The following PLVAP variants were observed in gnomAD, a reference collection of about 807,000 sequenced individuals.
PLVAP encodes plasmalemma vesicle-associated protein.
PLVAP carries 34 observed loss-of-function variants against 43.1 expected under a neutral mutation model. That is an observed-to-expected ratio of 0.79 (90% confidence interval 0.60 to 1.05). The LOEUF (loss-of-function observed/expected upper bound fraction) is 1.05, where lower values mean the gene tolerates loss of function less well. PLVAP is among the 50% of genes least tolerant of loss of function. The pLI is 0.00. For synonymous variants in PLVAP, 241 were observed against 237.3 expected, an observed-to-expected ratio of 1.02 and a Z score of -0.14; for missense variants, 574 against 593.4, an observed-to-expected ratio of 0.97 and a Z score of 0.34.
chr19:17,358,574 T>C (rs1290895751), intron 5 of PLVAP, among the ~76,000 whole-genome samples: 1 of 151,994 alleles, frequency 6.6e-6, no homozygotes, highest in Non-Finnish European at 1.5e-5. Flanking sequence ...GCACAGGCTA[T>C]TCTTGGGGCG....
chr19:17,367,471 C>A (rs1461741011), intron 1 of PLVAP, among the ~76,000 whole-genome samples: 1 of 152,088 alleles, frequency 6.6e-6, no homozygotes, highest in Non-Finnish European at 1.5e-5. Flanking sequence ...TCACTGCAAC[C>A]TCCGCCTCCC....
chr19:17,361,026 T>C, intron 3 of PLVAP, 194 bp from the exon 4 acceptor site: 1 of 561,248 alleles, frequency 1.8e-6, no homozygotes, highest in African/African-American at 1.9e-5. Context: ...GCGATTCTCC[T>C]GCCTAAGCCT....
intron 1 of PLVAP, among the ~76,000 whole-genome samples, chr19:17,370,789 G>C (rs2074569094): frequency 6.6e-6 from 1 of 152,152 alleles, no homozygotes; most frequent in African/African-American, 2.4e-5. Context: ...GGGCGCGGTG[G>C]CTCACGCCTG....
chr19:17,366,326 G>A lies in PLVAP; in HGVS notation c.370-131C>T, dbSNP rs2074550095. On this transcript the variant is annotated intron_variant, in intron 1 of 5. Coordinates refer to ENST00000252590, the MANE Select transcript of PLVAP (RefSeq NM_031310.3). ...ACAAGGGCATGGTCCCTTTATGAGG[G>A]AATGTTAGAAGCCAGGTGTGGCAGC... The A allele has an allele frequency of 1.4e-5, 11 of 767,668 alleles. No homozygotes were observed. The South Asian group carries it at 1.9e-4, about 13-fold the overall frequency. The allele number at this position is 767,668 out of a possible 1,614,324, so 47.6% of individuals were successfully genotyped here.
At chr19:17,374,065 G>C (rs1244880967) in intron 1 of PLVAP, among the ~76,000 whole-genome samples, 1 of 152,200 alleles carries the variant, frequency 6.6e-6, no homozygotes, top group Non-Finnish European at 1.5e-5. Context: ...GGGAGGCTGA[G>C]GCAACAGAAT....
chr19:17,351,601 C>A lies in PLVAP; in HGVS notation c.*761G>T, dbSNP rs1311064576. ...GGGCCCCGAGGGGGTCCTGGAAACA[C>A]TCACGCTCAAGGAGCGGAGGTGAAT... On this transcript the variant is annotated 3_prime_UTR_variant, in exon 6 of 6. Transcript: ENST00000252590. The A allele has an allele frequency of 1.3e-5, 2 of 152,280 alleles. No individual in the cohort carries two copies. Among genetic ancestry groups the A allele is most frequent in the Non-Finnish European group, 2.9e-5 (2 of 68,076 alleles). The allele number at this position is 152,280 out of a possible 1,614,324, so 9.4% of individuals were successfully genotyped here.
intron 1 of PLVAP, among the ~76,000 whole-genome samples, chr19:17,370,001 TAAAAA>T (rs763532839): frequency 3.2e-4 from 28 of 88,762 alleles, no homozygotes; most frequent in East Asian, 1.4e-3. Flanking sequence ...AGAGTCTGTC[TAAAAA>T]AAAAAAAAAA....
intron 5 of PLVAP, among the ~76,000 whole-genome samples, chr19:17,354,804 A>G (rs1014289943): frequency 6.6e-6 from 1 of 151,618 alleles, no homozygotes; most frequent in African/African-American, 2.4e-5. Flanking sequence ...AGGCTGAGGC[A>G]GGAGAATGGC....
At chr19:17,368,821 C>CA (rs929015199) in intron 1 of PLVAP, among the ~76,000 whole-genome samples, 3 of 151,954 alleles carry the variant, frequency 2.0e-5, no homozygotes, top group African/African-American at 7.2e-5. Flanking sequence ...ACTAAAAATA[C>CA]AAAAAAATTA....
chr19:17,374,184 C>T lies in PLVAP; in HGVS notation c.369+2736G>A, dbSNP rs114277058. Among the ~76,000 whole-genome samples the T allele has an allele frequency of 5.5e-3, 834 of 151,484 alleles. 9 individuals are homozygous for T. The highest frequency in any genetic ancestry group is 0.019 in the African/African-American group (773 of 41,292). ...TCAAACAAAACAAAATAAAACAAAA[C>T]AGCCGGGAACGGTGGCTCACGCCTG... On this transcript the variant is annotated intron_variant, in intron 1 of 5. Transcript: ENST00000252590.
Position 17,377,063 on chromosome 19 carries a change from C to G in PLVAP, c.226G>C (p.Gly76Arg), listed in dbSNP as rs2074598526. 2 of 1,614,128 alleles carry G rather than the reference C, an allele frequency of 1.2e-6. No homozygotes were observed. Among genetic ancestry groups the G allele is most frequent in the Non-Finnish European group, 1.7e-6 (2 of 1,180,022 alleles). Residue 76 changes from glycine to arginine, a missense_variant, in exon 1 of 6, where the codon GGG (glycine) becomes CGG (arginine). Physicochemically the swap from Gly to Arg is moderately radical, Grantham distance 125. Transcript: ENST00000252590. ...RAEGLYSQLL[G>R]LTASQSNLTK... ...AAGTTGGACTGGGAGGCCGTGAGCC[C>G]TAGGAGCTGACTGTATAGGCCCTCG...
chr19:17,370,151 G>A (rs1568376614), intron 1 of PLVAP, among the ~76,000 whole-genome samples: 1 of 152,098 alleles, frequency 6.6e-6, no homozygotes, highest in Non-Finnish European at 1.5e-5. Context: ...ACAGTAACAG[G>A]TGTTGATGAG....
Position 17,365,868 on chromosome 19 carries a change from T to C in PLVAP, c.597A>G (p.Glu199=). The C allele has an allele frequency of 6.2e-7, 1 of 1,614,092 alleles. No individual in the cohort carries two copies. Residue 199 remains glutamate, a synonymous_variant, in exon 3 of 6, where the codon GAA becomes GAG. Transcript: ENST00000252590. ...NKRVAEEQLV[E]CVKTRELQHQ... ...GCTGCAGCTCCCGGGTTTTCACGCA[T>C]TCAACCAGCTGTTCCTCCGCCACGC...
intron 5 of PLVAP, among the ~76,000 whole-genome samples, chr19:17,356,757 C>T (rs543889108): frequency 1.9e-4 from 29 of 151,336 alleles, no homozygotes; most frequent in African/African-American, 5.3e-4. Flanking sequence ...GTCGGGAGTT[C>T]GAGACCAGCC....
At chr19:17,368,042 G>A (rs1007360997) in intron 1 of PLVAP, among the ~76,000 whole-genome samples, 1 of 141,578 alleles carries the variant, frequency 7.1e-6, no homozygotes, top group Non-Finnish European at 1.5e-5. Flanking sequence ...GGATTACAGG[G>A]GCCCACCACC....
chr19:17,368,751 G>A (rs1242141617), intron 1 of PLVAP, among the ~76,000 whole-genome samples: 2 of 152,102 alleles, frequency 1.3e-5, no homozygotes, highest in African/African-American at 4.8e-5. Context: ...GCCAAGGCGG[G>A]TGGATCACGA....
intron 5 of PLVAP, among the ~76,000 whole-genome samples, chr19:17,353,095 C>T (rs1010733109): frequency 6.6e-6 from 1 of 152,232 alleles, no homozygotes; most frequent in Non-Finnish European, 1.5e-5. Flanking sequence ...GGCTTAGAGC[C>T]TGTTTCCTGC....
chr19:17,352,909 C>T (rs2074491973), intron 5 of PLVAP, among the ~76,000 whole-genome samples: 2 of 152,210 alleles, frequency 1.3e-5, no homozygotes, highest in South Asian at 2.1e-4. Flanking sequence ...TCTGCCCCTG[C>T]CAGGCCTCCC....
At chr19:17,365,011 G>A (rs556250106) in intron 3 of PLVAP, among the ~76,000 whole-genome samples, 3 of 151,688 alleles carry the variant, frequency 2.0e-5, no homozygotes, top group Admixed American at 6.6e-5. Flanking sequence ...GACCTCAGGC[G>A]ATCCACCCAC....
Sources: gnomAD v4.1 joint callset for allele counts (sites outside exome capture counted in the v4.1 genomes callset) on GRCh38, gnomAD v4.1.1 for gene constraint, MANE v1.5 for transcripts, NCBI Gene and HGNC (gene_info 2026-07-23, HGNC 2026-07-21) for gene names.